Variants in PAPSS1 observed in about 807,000 individuals in gnomAD.
The protein encoded by PAPSS1 is bifunctional 3'-phosphoadenosine 5'-phosphosulfate synthase 1.
In PAPSS1, 50 loss-of-function variants were observed where a neutral mutation model predicts 72.0. The ratio of observed to expected loss-of-function variants is 0.69; its 90% CI spans 0.55 to 0.88. PAPSS1 has a LOEUF of 0.88. Among genes scored for constraint, PAPSS1 ranks in the 40% least tolerant of loss-of-function variants. The pLI is 0.00. For synonymous variants in PAPSS1, 261 were observed against 263.6 expected, an observed-to-expected ratio of 0.99 and a Z score of 0.09; for missense variants, 657 against 782.2, an observed-to-expected ratio of 0.84 and a Z score of 1.91.
intron 1 of PAPSS1, among the ~76,000 whole-genome samples, chr4:107,713,625 G>A (rs1403459789): frequency 6.6e-6 from 1 of 151,964 alleles, no homozygotes; most frequent in African/African-American, 2.4e-5. Flanking sequence ...GGGCATGTTG[G>A]TGCACACCTG....
intron 1 of PAPSS1, among the ~76,000 whole-genome samples, chr4:107,717,880 T>C (rs1393650562): frequency 6.6e-6 from 1 of 152,222 alleles, no homozygotes; most frequent in East Asian, 1.9e-4. Flanking sequence ...TAAATGTTTT[T>C]AATGCAGCTA....
intron 11 of PAPSS1, among the ~76,000 whole-genome samples, chr4:107,622,905 TTG>T (rs1260360485): frequency 1.3e-5 from 2 of 152,252 alleles, no homozygotes; most frequent in African/African-American, 4.8e-5. Flanking sequence ...TAAATTGGTT[TTG>T]TTTTGAAATG....
intron 10 of PAPSS1, among the ~76,000 whole-genome samples, chr4:107,633,168 C>T (rs1054850316): frequency 7.2e-5 from 11 of 152,160 alleles, no homozygotes; most frequent in Admixed American, 7.2e-4. Flanking sequence ...AGACTTCCTA[C>T]CATATTCGAG....
intron 1 of PAPSS1, among the ~76,000 whole-genome samples, chr4:107,707,529 A>C (rs1365366891): frequency 1.3e-5 from 2 of 152,140 alleles, no homozygotes; most frequent in African/African-American, 2.4e-5. Flanking sequence ...AGTTTCACTG[A>C]GGTGGGCCTG....
At chr4:107,651,755 T>A (rs891890470) in intron 9 of PAPSS1, among the ~76,000 whole-genome samples, 12 of 152,164 alleles carry the variant, frequency 7.9e-5, no homozygotes, top group African/African-American at 2.7e-4. Context: ...GGAACTACAA[T>A]TCAAGATGAG....
In PAPSS1 at chr4:107,631,562, A is replaced by C. The variant is rs895397936; in HGVS notation, c.1736+69T>G. On this transcript the variant is annotated intron_variant, in intron 11 of 11. Transcript: ENST00000265174. ...TGTCATCAGTAAAGATTAGACAATA[A>C]GCTAAATCCCTGGGAGCAGCTAGAC... The C allele has an allele frequency of 4.6e-6, 5 of 1,082,720 alleles. No individual in the cohort carries two copies. In the African/African-American group the frequency reaches 7.8e-5, roughly 17 times the overall value. 67.1% of individuals were successfully genotyped at this position (1,082,720 alleles called of 1,614,324 possible).
intron 5 of PAPSS1, among the ~76,000 whole-genome samples, chr4:107,671,576 T>C (rs1727468629): frequency 6.6e-6 from 1 of 152,124 alleles, no homozygotes; most frequent in East Asian, 1.9e-4. Flanking sequence ...ATAAAACACT[T>C]ATGAATCACT....
chr4:107,625,565 G>C (rs1319385021), intron 11 of PAPSS1, among the ~76,000 whole-genome samples: 1 of 152,112 alleles, frequency 6.6e-6, no homozygotes, highest in Non-Finnish European at 1.5e-5. Flanking sequence ...CTAATAACAG[G>C]GTTCAGTCTG....
intron 10 of PAPSS1, among the ~76,000 whole-genome samples, chr4:107,643,500 T>C (rs1726611047): frequency 6.6e-6 from 1 of 152,134 alleles, no homozygotes; most frequent in Non-Finnish European, 1.5e-5. Context: ...AGAATCCTGC[T>C]CCCTTCCTTT....
Position 107,668,402 on chromosome 4 carries a change from A to T in PAPSS1, c.670-8330T>A, listed in dbSNP as rs531339343. ...TCTCCATCTCTGCCTGTGATGGTTA[A>T]TACTGTGTGTCAACTTGATTGGATG... On this transcript the variant is annotated intron_variant, in intron 5 of 11. Coordinates refer to ENST00000265174, the MANE Select transcript of PAPSS1 (RefSeq NM_005443.5). Among the ~76,000 whole-genome samples the T allele has an allele frequency of 2.6e-5, 4 of 152,324 alleles. No individual in the cohort carries two copies. In the South Asian group the frequency reaches 8.3e-4, roughly 32 times the overall value.
rs1450324859 is a variant in PAPSS1, at chr4:107,694,002, C to A, written c.180G>T (p.Leu60Phe). 6.2e-7 allele frequency: 1 copy of A among 1,608,098 alleles called. No individual in the cohort carries two copies. Among genetic ancestry groups the A allele is most frequent in the Non-Finnish European group, 8.5e-7 (1 of 1,175,756 alleles). Residue 60 changes from leucine (L) to phenylalanine (F), a missense_variant, in exon 3 of 12, where the codon TTG (leucine) becomes TTT (phenylalanine). Coordinates refer to ENST00000265174, the MANE Select transcript of PAPSS1 (RefSeq NM_005443.5). ...TCACAGTAGTCTTTCCCGCTCCAGA[C>A]AAGCCTAAAATTAAACAGTCCAAAC... ...FRGCTVWLTG[L>F]SGAGKTTVSM... is the part of the protein sequence containing the mutation.
intron 11 of PAPSS1, among the ~76,000 whole-genome samples, chr4:107,626,223 A>T (rs1414943375): frequency 6.6e-6 from 1 of 151,948 alleles, no homozygotes; most frequent in Non-Finnish European, 1.5e-5. Flanking sequence ...AACATGAAAG[A>T]AATACTCTAC....
At chr4:107,717,067 A>C (rs1723656895) in intron 1 of PAPSS1, among the ~76,000 whole-genome samples, 1 of 146,860 alleles carries the variant, frequency 6.8e-6, no homozygotes, top group South Asian at 2.2e-4. Flanking sequence ...ATGAAGTGAA[A>C]TGTGTACTAA....
In PAPSS1 at chr4:107,645,068, C is replaced by A; in HGVS notation, c.1240G>T (p.Ala414Ser). ...KQKFKDMNAD[A>S]VFAFQLRNPV... ...TTGCGTAGTTGAAATGCAAAGACAG[C>A]ATCTGAAAAGAGAATTTCCAGAGTT... Residue 414 changes from alanine (A) to serine (S), a missense_variant and splice_region_variant, in exon 10 of 12, where the codon GCT (alanine) becomes TCT (serine). By Grantham distance (99) the Ala-to-Ser change is moderately conservative. Coordinates refer to ENST00000265174, the MANE Select transcript of PAPSS1 (RefSeq NM_005443.5). 6.7e-7 allele frequency: 1 copy of A among 1,502,350 alleles called. No homozygotes were observed. The highest frequency in any genetic ancestry group is 1.4e-5 in the African/African-American group (1 of 71,566). The allele number at this position is 1,502,350 out of a possible 1,614,324, so 93.1% of individuals were successfully genotyped here.
intron 11 of PAPSS1, 30 bp from the exon 12 acceptor site, chr4:107,614,417 T>C (rs766643192): frequency 6.4e-7 from 1 of 1,557,200 alleles, no homozygotes; most frequent in South Asian, 1.2e-5. Flanking sequence ...GAAAATTATT[T>C]CATAATTTTA....
At chr4:107,644,488 T>C (rs1035161726) in intron 10 of PAPSS1, among the ~76,000 whole-genome samples, 11 of 152,180 alleles carry the variant, frequency 7.2e-5, no homozygotes, top group Admixed American at 4.6e-4. Flanking sequence ...GTCTGCAATG[T>C]GGCCAGCAGT....
At chr4:107,660,514 G>A (rs532583036) in intron 5 of PAPSS1, among the ~76,000 whole-genome samples, 1 of 151,998 alleles carries the variant, frequency 6.6e-6, no homozygotes, top group Admixed American at 6.6e-5. Flanking sequence ...CAAGCAACAC[G>A]GTATTCTAGA....
At chr4:107,718,181 G>A (rs1435356341) in intron 1 of PAPSS1, among the ~76,000 whole-genome samples, 1 of 152,158 alleles carries the variant, frequency 6.6e-6, no homozygotes. Context: ...TTAAATATGA[G>A]AGAGGAAGAG....
At chr4:107,654,463 C>A (rs1726939985) in intron 8 of PAPSS1, among the ~76,000 whole-genome samples, 1 of 152,114 alleles carries the variant, frequency 6.6e-6, no homozygotes, top group African/African-American at 2.4e-5. Flanking sequence ...GCATCAGCAC[C>A]TAGCTCAGTG....
Sources: gnomAD v4.1 joint callset for allele counts (sites outside exome capture counted in the v4.1 genomes callset) on GRCh38, gnomAD v4.1.1 for gene constraint, MANE v1.5 for transcripts, NCBI Gene and HGNC (gene_info 2026-07-23, HGNC 2026-07-21) for gene names.